The following MEGF6 variants were observed in gnomAD, a reference collection of about 807,000 sequenced individuals.
MEGF6 encodes multiple epidermal growth factor-like domains protein 6.
A neutral mutation model predicts 207.1 loss-of-function variants in MEGF6; 184 were observed. That is an observed-to-expected ratio of 0.89 (90% CI 0.79 to 1.00). MEGF6 has a LOEUF of 1.00. MEGF6 is among the 50% of genes least tolerant of loss of function. The pLI is 0.00. For missense variants in MEGF6, 2,282 were observed against 2,202.9 expected, an observed-to-expected ratio of 1.04 and a Z score of -0.72; for synonymous variants, 1,038 against 910.0, an observed-to-expected ratio of 1.14 and a Z score of -2.53.
intron 3 of MEGF6, among the ~76,000 whole-genome samples, chr1:3,588,864 C>T (rs374196394): frequency 1.1e-3 from 171 of 152,256 alleles, no homozygotes; most frequent in African/African-American, 3.8e-3. Flanking sequence ...CCCTCACTCC[C>T]ACCTCTGCCC....
At chr1:3,502,908 C>G (rs964522519) in intron 17 of MEGF6, among the ~76,000 whole-genome samples, 4 of 152,302 alleles carry the variant, frequency 2.6e-5, no homozygotes, top group Admixed American at 2.6e-4. Flanking sequence ...CCCAGCGAGG[C>G]GCAGCCACTC....
At chr1:3,545,025 G>A (rs916006119) in intron 4 of MEGF6, among the ~76,000 whole-genome samples, 50 of 152,316 alleles carry the variant, frequency 3.3e-4, no homozygotes, top group African/African-American at 1.1e-3. Context: ...GATCTTGGGG[G>A]AGAAGGAAGC....
At chr1:3,500,548 A>T (rs1243521456) in intron 21 of MEGF6, 85 bp downstream of exon 21, 1 of 1,463,364 alleles carries the variant, frequency 6.8e-7, no homozygotes, top group Non-Finnish European at 9.1e-7. Flanking sequence ...GAGTACGGTC[A>T]AAGGCTTTGT....
the MEGF6 span, chr1:3,623,416 T>C: frequency 6.6e-6 from 1 of 152,296 alleles, no homozygotes; most frequent in Non-Finnish European, 1.5e-5. Context: ...GCTGGTAAGA[T>C]AGCTGGGAGA....
rs1640581700 is a variant in MEGF6 at position 3,495,942 on chromosome 1, C to A, written c.3819G>T (p.Val1273=). 4 of 1,592,614 alleles carry A rather than the reference C, an allele frequency of 2.5e-6. No individual in the cohort carries two copies. The highest frequency in any genetic ancestry group is 2.7e-5 in the African/African-American group (2 of 74,768). ...GCGQGAACDP[V]TGTCLCPPGR... is the part of the protein sequence containing the mutation. ...CCGGGGGGCAGAGGCAGGTGCCGGT[C>A]ACAGGGTCGCAGGCCGCCCCCTGCC... is the stretch of plus-strand genomic sequence containing the variant. The change falls in exon 30 of 37, where the codon GTG becomes GTT. Residue 1273 remains valine, a synonymous_variant. Transcript: ENST00000356575.
In MEGF6 at chr1:3,590,845, C is replaced by T. The variant is rs180876283; in HGVS notation, c.376+4493G>A. ...CCCACAGGGCCCTCTAAAGAGTGAG[C>T]GTCTGTCCTGCACAGGGGCCGTGTA... On this transcript the variant is annotated intron_variant, in intron 3 of 36. Transcript: ENST00000356575. Among the ~76,000 whole-genome samples the T allele has an allele frequency of 8.5e-5, 13 of 152,290 alleles. No homozygotes were observed. The South Asian group carries it at 1.5e-3, about 17-fold the overall frequency.
chr1:3,517,400 C>G (rs1641582976), intron 5 of MEGF6, among the ~76,000 whole-genome samples: 1 of 152,198 alleles, frequency 6.6e-6, no homozygotes, highest in Admixed American at 6.5e-5. Flanking sequence ...AGGGATCCCC[C>G]CAGAGCCTGT....
chr1:3,528,525 C>A (rs553350387), intron 4 of MEGF6, among the ~76,000 whole-genome samples: 1 of 152,332 alleles, frequency 6.6e-6, no homozygotes, highest in Admixed American at 6.5e-5. Context: ...AGGGACCTAC[C>A]TTTGCAGATG....
At chr1:3,622,777 G>A in the MEGF6 span, among the ~76,000 whole-genome samples, 7 of 152,198 alleles carry the variant, frequency 4.6e-5, no homozygotes, top group East Asian at 1.9e-4. Flanking sequence ...GAGGAAACAC[G>A]TTTCTGTTGT....
At chr1:3,518,501 G>C (rs971451371) in intron 5 of MEGF6, among the ~76,000 whole-genome samples, 1 of 152,064 alleles carries the variant, frequency 6.6e-6, no homozygotes, top group South Asian at 2.1e-4. Context: ...CCTGGGCGGC[G>C]GAGGGAGTGG....
At chr1:3,526,120 C>G (rs995702104) in intron 4 of MEGF6, among the ~76,000 whole-genome samples, 4 of 152,224 alleles carry the variant, frequency 2.6e-5, no homozygotes, top group Admixed American at 2.6e-4. Flanking sequence ...CACGCCATGA[C>G]CCCCACCAGA....
rs74823231 is a variant in MEGF6 at position 3,513,039 on chromosome 1, G to C, written c.854-911C>G. On this transcript the variant is annotated intron_variant, in intron 7 of 36. Coordinates refer to ENST00000356575, the MANE Select transcript of MEGF6 (RefSeq NM_001409.4). Reference sequence around the variant, plus strand: ...GGTGTGGCAGAGGGGGCAGCGGTGTGTTCCAAACAATGGCACCTGCCTGCA... The same window carrying C: ...GGTGTGGCAGAGGGGGCAGCGGTGTCTTCCAAACAATGGCACCTGCCTGCA... Among the ~76,000 whole-genome samples, 256 of 152,244 alleles carry C rather than the reference G, an allele frequency of 1.7e-3. 3 individuals are homozygous for C. The East Asian group carries it at 0.039, about 23-fold the overall frequency.
In MEGF6 at chr1:3,560,838, G is replaced by A. The variant is rs769888419; in HGVS notation, c.481+18987C>T. 2.5e-5 allele frequency: 11 copies of A among 446,224 alleles called. No individual in the cohort carries two copies. Among genetic ancestry groups the A allele is most frequent in the Admixed American group, 1.5e-4 (6 of 39,644 alleles). 27.6% of individuals were successfully genotyped at this position (446,224 alleles called of 1,614,324 possible). A position where few individuals can be genotyped will look rare whatever the true frequency, so the allele number is the denominator to read the frequency against. On this transcript the variant is annotated intron_variant, in intron 4 of 36. Coordinates refer to ENST00000356575, the MANE Select transcript of MEGF6 (RefSeq NM_001409.4). This position sits in a 1 kb window ranked among gnomAD's most constrained non-coding sequence, Gnocchi z 4.0. ...AGGAACAGCCTCAGGCGTCGGCCGC[G>A]AGGGGGTTGCTGGGCTGGCTGGTCC...
intron 4 of MEGF6, among the ~76,000 whole-genome samples, chr1:3,557,293 T>C (rs1246173784): frequency 6.6e-6 from 1 of 152,218 alleles, no homozygotes; most frequent in African/African-American, 2.4e-5. Flanking sequence ...CTTCTAACCA[T>C]TTGTCATGGC....
rs545421086 is a variant in MEGF6 at position 3,534,040 on chromosome 1, CGAG to C, written c.482-9797_482-9795del. The stretch of plus-strand genomic sequence containing the variant: ...AAAGGGCTCCTGCCTCGTGCTGTCT[CGAG>C]GAGGAGGGAGGAGCCCAGGAGCCGC... On this transcript the variant is annotated intron_variant, in intron 4 of 36. Transcript: ENST00000356575. Among the ~76,000 whole-genome samples, 810 of 152,142 alleles carry C rather than the reference CGAG, an allele frequency of 5.3e-3. 8 individuals carry two copies. Among genetic ancestry groups the C allele is most frequent in the African/African-American group, 0.019 (778 of 41,488 alleles).
the MEGF6 span, among the ~76,000 whole-genome samples, chr1:3,624,030 T>C: frequency 6.6e-6 from 1 of 152,178 alleles, no homozygotes; most frequent in African/African-American, 2.4e-5. Context: ...TCTTTACAAA[T>C]ACTCCGCTCC....
intron 4 of MEGF6, among the ~76,000 whole-genome samples, chr1:3,576,370 C>G (rs1377198434): frequency 1.3e-5 from 2 of 152,236 alleles, no homozygotes; most frequent in Non-Finnish European, 2.9e-5. Flanking sequence ...CTTCCCCCCA[C>G]TGCCCTCCAT....
chr1:3,610,126 A>C (rs1644305087), intron 1 of MEGF6, among the ~76,000 whole-genome samples: 1 of 152,246 alleles, frequency 6.6e-6, no homozygotes, highest in Admixed American at 6.5e-5. Flanking sequence ...CAAGGCCCCC[A>C]ACCCAGGGAC....
At chr1:3,512,265 C>T in intron 7 of MEGF6, 137 bp from the exon 8 acceptor site, 3 of 1,180,512 alleles carry the variant, frequency 2.5e-6, no homozygotes, top group Non-Finnish European at 3.5e-6. Flanking sequence ...GCCAATCCCA[C>T]TGTCCCTGAC....
Sources: gnomAD v4.1 joint callset for allele counts (sites outside exome capture counted in the v4.1 genomes callset) on GRCh38, gnomAD v4.1.1 for gene constraint, Gnocchi (gnomAD v3.1) non-coding constraint, MANE v1.5 for transcripts, NCBI Gene and HGNC (gene_info 2026-07-23, HGNC 2026-07-21) for gene names.